The following FAAH variants were observed in gnomAD, a reference collection of about 807,000 sequenced individuals.
FAAH encodes the protein fatty-acid amide hydrolase 1.
Under a neutral mutation model 69.7 loss-of-function variants are expected in FAAH, and 63 were observed. The ratio of observed to expected loss-of-function variants is 0.90; its 90% CI spans 0.74 to 1.12. The LOEUF (loss-of-function observed/expected upper bound fraction) is 1.12. Ranked by LOEUF, FAAH falls within the 50% of genes most tolerant of loss-of-function variation. FAAH has a pLI of 0.00. For synonymous variants in FAAH, 305 were observed against 324.2 expected (o/e 0.94, Z 0.64); for missense variants, 680 against 755.0 (o/e 0.90, Z 1.16).
Position 46,410,832 on chromosome 1 carries a change from T to C in FAAH, c.1294T>C (p.Phe432Leu), listed in dbSNP as rs1442745852. 1.9e-6 allele frequency: 3 copies of C among 1,614,148 alleles called. No individual in the cohort carries two copies. The highest frequency in any genetic ancestry group is 2.5e-6 in the Non-Finnish European group (3 of 1,180,016). ...VKPLLPRLSA[F>L]LSNMKSRSAG... ...TGTGCAGCTGCCAAGGCTGTCAGCTTTCCTCAGCAACATGAAGTCTCGGTA... is the reference window on the plus strand; with the variant it reads ...TGTGCAGCTGCCAAGGCTGTCAGCTCTCCTCAGCAACATGAAGTCTCGGTA... Residue 432 changes from phenylalanine to leucine, a missense_variant, in exon 11 of 15, where the codon TTC (phenylalanine) becomes CTC (leucine). Coordinates refer to ENST00000243167, the MANE Select transcript of FAAH (RefSeq NM_001441.3). The surrounding 1 kb of genome is among the most constrained non-coding windows in gnomAD (Gnocchi z 4.9).
chr1:46,412,462 C>T (rs1664934634), intron 13 of FAAH, among the ~76,000 whole-genome samples: 1 of 152,184 alleles, frequency 6.6e-6, no homozygotes, highest in Non-Finnish European at 1.5e-5. Context: ...TCTTGAGTTA[C>T]AGAATCTAGT....
intron 7 of FAAH, 117 bp downstream of exon 7, chr1:46,406,485 G>T (rs1467436571): frequency 2.7e-6 from 4 of 1,466,904 alleles, no homozygotes; most frequent in Non-Finnish European, 3.7e-6. Context: ...GGCCTCTGAG[G>T]CCAGGGCGGG....
At chr1:46,412,563 A>G (rs1392917055) in intron 13 of FAAH, among the ~76,000 whole-genome samples, 1 of 152,190 alleles carries the variant, frequency 6.6e-6, no homozygotes, top group Admixed American at 6.5e-5. Flanking sequence ...TAATCCGAGC[A>G]CTTTGGGAGG....
chr1:46,412,979 GAC>G lies in FAAH; in HGVS notation c.1466-92_1466-91del, dbSNP rs369000532. The G allele has an allele frequency of 1.8e-3, 2,630 of 1,453,214 alleles. 27 individuals carry two copies. The East Asian group carries it at 0.022, about 12-fold the overall frequency. The allele number at this position is 1,453,214 out of a possible 1,614,324, so 90.0% of individuals were successfully genotyped here. A position where few individuals can be genotyped will look rare whatever the true frequency, so the allele number is the denominator to read the frequency against. On this transcript the variant is annotated intron_variant, in intron 13 of 14. Coordinates refer to ENST00000243167, the MANE Select transcript of FAAH (RefSeq NM_001441.3). ...GGGAGAGAGCCTTTCTCTGGCTGTA[GAC>G]ACAGGGTGCCATTTCATATGAGGTT...
In FAAH at chr1:46,410,661, C is replaced by T. The variant is rs553797768; in HGVS notation, c.1276-153C>T. The stretch of plus-strand genomic sequence containing the variant: ...GACTGCTCTCCTCCTCTGTCCCCTG[C>T]GATCTTCAGCCAACCCGCATGCTGA... On this transcript the variant is annotated intron_variant, in intron 10 of 14. Coordinates refer to ENST00000243167, the MANE Select transcript of FAAH (RefSeq NM_001441.3). This position sits in a 1 kb window ranked among gnomAD's most constrained non-coding sequence, Gnocchi z 4.9. Among the ~76,000 whole-genome samples the T allele has an allele frequency of 3.9e-5, 6 of 152,280 alleles. No homozygotes were observed. The highest frequency in any genetic ancestry group is 2.1e-4 in the South Asian group (1 of 4,816).
chr1:46,394,925 A>G (rs988792972), intron 1 of FAAH, among the ~76,000 whole-genome samples: 1 of 148,442 alleles, frequency 6.7e-6, no homozygotes, highest in African/African-American at 2.4e-5. Flanking sequence ...GAGAGCTTAG[A>G]GTTTTGTTTT....
rs1664958691 is a variant in FAAH at position 46,413,696 on chromosome 1, C to T, written c.*121C>T. 4 of 1,437,672 alleles carry T rather than the reference C, an allele frequency of 2.8e-6. No homozygotes were observed. The highest frequency in any genetic ancestry group is 1.2e-5 in the South Asian group (1 of 84,486). The allele number at this position is 1,437,672 out of a possible 1,614,324, so 89.1% of individuals were successfully genotyped here. On this transcript the variant is annotated 3_prime_UTR_variant, in exon 15 of 15. Coordinates refer to ENST00000243167, the MANE Select transcript of FAAH (RefSeq NM_001441.3). ...CATGGGGCAGAGGCTTCCGTGTCCT[C>T]TCCCCCAACCCCCTGCAAGAAGCGC...
chr1:46,405,182 C>T lies in FAAH; in HGVS notation c.444+34C>T. On this transcript the variant is annotated intron_variant, in intron 3 of 14. Transcript: ENST00000243167. The surrounding 1 kb of genome is among the most constrained non-coding windows in gnomAD (Gnocchi z 4.1). ...TGCCTCAGCGCCAGGCCTCCATCGT[C>T]CCCTCCATCCCTGCCAGCCTGCTCT... 6.2e-7 allele frequency: 1 copy of T among 1,613,466 alleles called. No individual in the cohort carries two copies. Among genetic ancestry groups the T allele is most frequent in the Non-Finnish European group, 8.5e-7 (1 of 1,180,030 alleles).
chr1:46,400,643 G>A (rs900838013), intron 1 of FAAH, among the ~76,000 whole-genome samples: 13 of 150,034 alleles, frequency 8.7e-5, no homozygotes, highest in East Asian at 8.1e-4. Context: ...GTCAAAAGTC[G>A]GGCAGGTGAT....
Position 46,413,194 on chromosome 1 carries a change from G to T in FAAH, c.1585G>T (p.Asp529Tyr). 1 of 1,614,140 alleles carries T rather than the reference G, an allele frequency of 6.2e-7. No homozygotes were observed. The highest frequency in any genetic ancestry group is 1.1e-5 in the South Asian group (1 of 91,082). The change falls in exon 14 of 15, where the codon GAT becomes TAT. Residue 529 changes from aspartate (D) to tyrosine (Y), a missense_variant. Transcript: ENST00000243167. ...GGAACATTACAGGGGCTACTTTGGG[G>T]ATATCTGGGACAAGATGCTGCAGAA... Reference protein sequence around the residue: ...QMEHYRGYFGDIWDKMLQKGM... With the variant: ...QMEHYRGYFGYIWDKMLQKGM...
At chr1:46,413,041 A>G (rs1235078016) in intron 13 of FAAH, 34 bp from the exon 14 acceptor site, 2 of 1,613,286 alleles carry the variant, frequency 1.2e-6, no homozygotes, top group African/African-American at 1.3e-5. Context: ...GAAGATTCTC[A>G]GGGCCTGCTG....
Position 46,394,488 on chromosome 1 carries a change from G to T in FAAH, c.140G>T (p.Arg47Met), listed in dbSNP as rs1463306276. The T allele has an allele frequency of 1.4e-6, 2 of 1,396,794 alleles. No individual in the cohort carries two copies. Among genetic ancestry groups the T allele is most frequent in the South Asian group, 1.6e-5 (1 of 62,428 alleles). 86.5% of individuals were successfully genotyped at this position (1,396,794 alleles called of 1,614,324 possible). Reference protein sequence around the residue: ...ARGAVVRARQRQRAGLENMDR... With the variant: ...ARGAVVRARQMQRAGLENMDR... Reference sequence around the variant, plus strand: ...GGCGCGGTGGTCCGGGCGCGACAGAGGCAGCGAGCGGGCCTGGAGAACATG... The same window carrying T: ...GGCGCGGTGGTCCGGGCGCGACAGATGCAGCGAGCGGGCCTGGAGAACATG... Residue 47 changes from arginine to methionine, a missense_variant, in exon 1 of 15, where the codon AGG (arginine) becomes ATG (methionine). Transcript: ENST00000243167.
chr1:46,397,433 GA>G (rs1329671672), intron 1 of FAAH, among the ~76,000 whole-genome samples: 6 of 152,248 alleles, frequency 3.9e-5, no homozygotes, highest in Non-Finnish European at 2.9e-5. Context: ...TTCAGGAGGA[GA>G]AGCGGGAAAT....
rs201409352 is a variant in FAAH at position 46,412,206 on chromosome 1, A to C, written c.1420A>C (p.Met474Leu). 5.3e-5 allele frequency: 83 copies of C among 1,561,712 alleles called. No homozygotes were observed. The highest frequency in any genetic ancestry group is 7.0e-5 in the Non-Finnish European group (81 of 1,152,776). The part of the protein sequence containing the change: ...ALDLDVVLTP[M>L]LAPALDLNAP... ...GGACCTGGATGTGGTGCTGACCCCC[A>C]TGCTGGCCCCTGCTCTGGACTTGAA... Residue 474 changes from methionine to leucine, a missense_variant, in exon 13 of 15, where the codon ATG (methionine) becomes CTG (leucine). Met to Leu is a conservative substitution (Grantham distance 15). Coordinates refer to ENST00000243167, the MANE Select transcript of FAAH (RefSeq NM_001441.3).
At chr1:46,398,677 G>A (rs900212447) in intron 1 of FAAH, among the ~76,000 whole-genome samples, 1 of 152,102 alleles carries the variant, frequency 6.6e-6, no homozygotes, top group Admixed American at 6.6e-5. Flanking sequence ...TAGGACTACA[G>A]GTGCCTGCCA....
Position 46,410,511 on chromosome 1 carries a change from G to A in FAAH, c.1275+14G>A, listed in dbSNP as rs45527846. On this transcript the variant is annotated intron_variant, in intron 10 of 14. Transcript: ENST00000243167. This position sits in a 1 kb window ranked among gnomAD's most constrained non-coding sequence, Gnocchi z 4.9. Reference sequence around the variant, plus strand: ...GTGAAGCCTCTGGTGAGGGCACAAGGAGTGGAGGGGCTAGGATGGCTGGGG... The same window carrying A: ...GTGAAGCCTCTGGTGAGGGCACAAGAAGTGGAGGGGCTAGGATGGCTGGGG... 6.1e-4 allele frequency: 976 copies of A among 1,610,060 alleles called. 6 individuals are homozygous for A. In the African/African-American group the frequency reaches 0.011, roughly 18 times the overall value.
chr1:46,412,323 A>C (rs1461340786), intron 13 of FAAH, 72 bp downstream of exon 13: 2 of 1,306,282 alleles, frequency 1.5e-6, no homozygotes, highest in African/African-American at 2.9e-5. Flanking sequence ...GAGGAAATGG[A>C]AGAAGAGCCC....
chr1:46,413,209 A>T lies in FAAH; in HGVS notation c.1600A>T (p.Met534Leu). ...RGYFGDIWDK[M>L]LQKGMKKSVG... is the part of the protein sequence containing the mutation. ...CTACTTTGGGGATATCTGGGACAAG[A>T]TGCTGCAGAAGGTGAGGACTGACCT... The change falls in exon 14 of 15, where the codon ATG (methionine) becomes TTG (leucine). Residue 534 changes from methionine (M) to leucine (L), a missense_variant. Coordinates refer to ENST00000243167, the MANE Select transcript of FAAH (RefSeq NM_001441.3). 1 of 1,614,142 alleles carries T rather than the reference A, an allele frequency of 6.2e-7. No individual in the cohort carries two copies.
chr1:46,406,304 C>G lies in FAAH; in HGVS notation c.887C>G (p.Ala296Gly), dbSNP rs1367927706. 7 of 1,613,892 alleles carry G rather than the reference C, an allele frequency of 4.3e-6. No individual in the cohort carries two copies. The South Asian group carries it at 7.7e-5, about 18-fold the overall frequency. ...DVESLALCLRALLCEDMFRLD... is the reference protein window; with the variant it reads ...DVESLALCLRGLLCEDMFRLD... ...GAGAGCCTGGCACTGTGCCTGCGAG[C>G]CCTGCTGTGTGAGGACATGTTCCGC... The change falls in exon 7 of 15, where the codon GCC (alanine) becomes GGC (glycine). Residue 296 changes from alanine to glycine, a missense_variant. Ala to Gly is a moderately conservative substitution (Grantham distance 60, BLOSUM62 0). Coordinates refer to ENST00000243167, the MANE Select transcript of FAAH (RefSeq NM_001441.3).
Sources: gnomAD v4.1 joint callset for allele counts (sites outside exome capture counted in the v4.1 genomes callset) on GRCh38, gnomAD v4.1.1 for gene constraint, Gnocchi (gnomAD v3.1) non-coding constraint, MANE v1.5 for transcripts, NCBI Gene and HGNC (gene_info 2026-07-23, HGNC 2026-07-21) for gene names.